Variants in ARMH4 observed in about 807,000 individuals in gnomAD.
ARMH4 encodes the protein armadillo-like helical domain-containing protein 4.
Under a neutral mutation model 61.9 loss-of-function variants are expected in ARMH4, and 49 were observed. The ratio of observed to expected loss-of-function variants is 0.79; its 90% CI spans 0.63 to 1.00. The LOEUF is 1.00. Among genes scored for constraint, ARMH4 ranks in the 50% least tolerant of loss-of-function variants. The pLI is 0.00. For missense variants in ARMH4, 934 were observed against 930.0 expected, an observed-to-expected ratio of 1.00 and a Z score of -0.06; for synonymous variants, 368 against 341.5, an observed-to-expected ratio of 1.08 and a Z score of -0.85.
intron 5 of ARMH4, among the ~76,000 whole-genome samples, chr14:58,028,164 C>A (rs941530386): frequency 6.6e-6 from 1 of 152,180 alleles, no homozygotes; most frequent in African/African-American, 2.4e-5. Context: ...GATGCTACCC[C>A]TCCTGTTTGT....
intron 1 of ARMH4, among the ~76,000 whole-genome samples, chr14:58,142,545 C>T (rs1046429579): frequency 2.9e-4 from 44 of 151,762 alleles, no homozygotes; most frequent in African/African-American, 1.0e-3. Context: ...GAATGCAGTG[C>T]GAGTCACTCA....
At chr14:58,064,977 T>C (rs1884655735) in intron 5 of ARMH4, among the ~76,000 whole-genome samples, 1 of 152,066 alleles carries the variant, frequency 6.6e-6, no homozygotes, top group Non-Finnish European at 1.5e-5. Context: ...GGTGTGGTGG[T>C]TTATGCCTGT....
At chr14:58,043,262 A>T (rs1312688354) in intron 5 of ARMH4, among the ~76,000 whole-genome samples, 2 of 152,178 alleles carry the variant, frequency 1.3e-5, no homozygotes, top group African/African-American at 4.8e-5. Context: ...CACCATGATC[A>T]AGTGGGCTTC....
intron 5 of ARMH4, among the ~76,000 whole-genome samples, chr14:58,064,938 G>A (rs538493419): frequency 2.2e-4 from 34 of 152,202 alleles, no homozygotes; most frequent in Non-Finnish European, 4.6e-4. Flanking sequence ...CAAGTCAAAC[G>A]ATGCCATTGA....
chr14:58,001,764 A>G lies in ARMH4; in HGVS notation c.*2972T>C, dbSNP rs549883554. 1.3e-5 allele frequency: 2 copies of G among 152,210 alleles called. No individual in the cohort carries two copies. Among genetic ancestry groups the G allele is most frequent in the South Asian group, 4.2e-4 (2 of 4,806 alleles). The allele number at this position is 152,210 out of a possible 1,614,324, so 9.4% of individuals were successfully genotyped here. A position where few individuals can be genotyped will look rare whatever the true frequency, so the allele number is the denominator to read the frequency against. Reference sequence around the variant, plus strand: ...ATTCTAACTCATCAGGTCTGGGGCAAGGCCTTGAGATCTGTATGTTTCACA... The same window carrying G: ...ATTCTAACTCATCAGGTCTGGGGCAGGGCCTTGAGATCTGTATGTTTCACA... On this transcript the variant is annotated 3_prime_UTR_variant, in exon 8 of 8. Coordinates refer to ENST00000267485, the MANE Select transcript of ARMH4 (RefSeq NM_001001872.4).
chr14:58,069,927 G>C (rs1884828743), intron 5 of ARMH4, among the ~76,000 whole-genome samples: 1 of 152,168 alleles, frequency 6.6e-6, no homozygotes, highest in African/African-American at 2.4e-5. Flanking sequence ...TCTGAACACA[G>C]TGTGGAGAAG....
At chr14:58,012,020 C>T (rs1818252714) in intron 6 of ARMH4, 99 bp downstream of exon 6, 10 of 839,638 alleles carry the variant, frequency 1.2e-5, no homozygotes, top group Non-Finnish European at 1.8e-5. Flanking sequence ...TTACCAGAAT[C>T]AGAATAATAA....
intron 5 of ARMH4, among the ~76,000 whole-genome samples, chr14:58,039,321 A>C (rs147009756): frequency 2.6e-5 from 4 of 152,186 alleles, no homozygotes; most frequent in Non-Finnish European, 5.9e-5. Context: ...CTCTGCCACA[A>C]GTAATCCCAT....
intron 5 of ARMH4, among the ~76,000 whole-genome samples, chr14:58,069,570 G>A (rs1884817677): frequency 6.6e-6 from 1 of 152,158 alleles, no homozygotes; most frequent in African/African-American, 2.4e-5. Flanking sequence ...ATCTGGATAT[G>A]CAAAATCTTA....
At chr14:58,084,738 T>TC (rs1885328959) in intron 5 of ARMH4, among the ~76,000 whole-genome samples, 1 of 152,196 alleles carries the variant, frequency 6.6e-6, no homozygotes, top group Non-Finnish European at 1.5e-5. Context: ...TTAAATTCCT[T>TC]CCCTGGGTCT....
At chr14:58,122,451 G>A (rs1048932380) in intron 4 of ARMH4, among the ~76,000 whole-genome samples, 3 of 152,124 alleles carry the variant, frequency 2.0e-5, no homozygotes, top group Non-Finnish European at 4.4e-5. Context: ...TCTACTGAAG[G>A]CCAACTAATC....
At chr14:58,020,117 G>A (rs1032884105) in intron 5 of ARMH4, among the ~76,000 whole-genome samples, 2 of 152,104 alleles carry the variant, frequency 1.3e-5, no homozygotes, top group African/African-American at 2.4e-5. Flanking sequence ...TACAGATGAC[G>A]AAAATGAAGC....
rs777748590 is a variant in ARMH4, at chr14:58,133,209, G to C, written c.1502C>G (p.Pro501Arg). ...SGKTEEEKED[P>R]SPVSDVPGVT... Reference sequence around the variant, plus strand: ...ACCAGGAACGTCAGACACAGGAGAGGGGTCCTCCTTTTCTTCCTCAGTCTT... The same window carrying C: ...ACCAGGAACGTCAGACACAGGAGAGCGGTCCTCCTTTTCTTCCTCAGTCTT... Residue 501 changes from proline to arginine, a missense_variant, in exon 3 of 8, where the codon CCC (proline) becomes CGC (arginine). Coordinates refer to ENST00000267485, the MANE Select transcript of ARMH4 (RefSeq NM_001001872.4). 6.2e-7 allele frequency: 1 copy of C among 1,613,982 alleles called. No individual in the cohort carries two copies. The highest frequency in any genetic ancestry group is 1.3e-5 in the African/African-American group (1 of 74,894).
chr14:58,030,659 C>G (rs564376325), intron 5 of ARMH4, among the ~76,000 whole-genome samples: 2 of 152,310 alleles, frequency 1.3e-5, no homozygotes, highest in African/African-American at 4.8e-5. Flanking sequence ...AATCAGCATT[C>G]TGTCTCTATG....
chr14:58,087,443 T>C (rs1885419173), intron 5 of ARMH4, among the ~76,000 whole-genome samples: 1 of 152,214 alleles, frequency 6.6e-6, no homozygotes, highest in African/African-American at 2.4e-5. Context: ...TGGTGGCCAC[T>C]GGACTATAGC....
intron 5 of ARMH4, among the ~76,000 whole-genome samples, chr14:58,041,559 A>G (rs1340229677): frequency 6.6e-6 from 1 of 152,164 alleles, no homozygotes; most frequent in African/African-American, 2.4e-5. Flanking sequence ...TAACCAGCTA[A>G]CATCATAATG....
At chr14:58,108,547 C>T (rs190499884) in intron 4 of ARMH4, among the ~76,000 whole-genome samples, 2 of 152,196 alleles carry the variant, frequency 1.3e-5, no homozygotes, top group African/African-American at 4.8e-5. Flanking sequence ...AAGTTTCACA[C>T]ATCTTGTTGT....
chr14:58,141,387 C>G, intron 1 of ARMH4: 1 of 524,824 alleles, frequency 1.9e-6, no homozygotes, highest in Non-Finnish European at 3.8e-6. Flanking sequence ...AGGAGGGTAT[C>G]CCACCTGACC....
At chr14:58,096,162 G>A (rs547067114) in intron 5 of ARMH4, among the ~76,000 whole-genome samples, 254 of 152,290 alleles carry the variant, frequency 1.7e-3, no homozygotes, top group Admixed American at 4.4e-3. Flanking sequence ...AAATGAAATC[G>A]TGTTTGACAA....
Sources: allele counts gnomAD v4.1 joint callset (sites outside exome capture counted in the v4.1 genomes callset), GRCh38; gene constraint gnomAD v4.1.1; transcripts MANE v1.5; gene names NCBI Gene and HGNC (gene_info 2026-07-23, HGNC 2026-07-21).